The following WDR72 variants were observed in gnomAD, a reference collection of about 807,000 sequenced individuals.
The protein encoded by WDR72 is WD repeat-containing protein 72.
Under a neutral mutation model 124.2 loss-of-function variants are expected in WDR72, and 120 were observed. That is an observed-to-expected ratio of 0.97 (90% confidence interval 0.83 to 1.12). WDR72 has a LOEUF of 1.12. Ranked by LOEUF, WDR72 falls within the 50% of genes most tolerant of loss-of-function variation. The pLI is 0.00. For missense variants in WDR72, 1,387 were observed against 1,278.8 expected, an observed-to-expected ratio of 1.08 and a Z score of -1.29; for synonymous variants, 452 against 441.7, an observed-to-expected ratio of 1.02 and a Z score of -0.29.
chr15:53,686,419 T>A (rs910471780), intron 13 of WDR72, among the ~76,000 whole-genome samples: 7 of 149,716 alleles, frequency 4.7e-5, no homozygotes, highest in African/African-American at 1.7e-4. Context: ...TCCTAGTCTC[T>A]GATAAAACAG....
At chr15:53,520,868 A>AATCTCG (rs1391621787) in intron 19 of WDR72, among the ~76,000 whole-genome samples, 1 of 152,082 alleles carries the variant, frequency 6.6e-6, no homozygotes, top group African/African-American at 2.4e-5. Context: ...CAATTTTAAG[A>AATCTCG]ATTTTGCCCA....
intron 13 of WDR72, among the ~76,000 whole-genome samples, chr15:53,673,223 A>C (rs780676157): frequency 6.6e-6 from 1 of 152,240 alleles, no homozygotes; most frequent in Non-Finnish European, 1.5e-5. Flanking sequence ...ATATCAATGT[A>C]TGAATAGCTT....
intron 18 of WDR72, among the ~76,000 whole-genome samples, chr15:53,591,252 T>G (rs1356010947): frequency 1.3e-5 from 2 of 152,068 alleles, no homozygotes; most frequent in African/African-American, 4.8e-5. Context: ...CTAGTTTGTA[T>G]CCTCAGCTAA....
intron 14 of WDR72, among the ~76,000 whole-genome samples, chr15:53,661,101 T>C (rs1355002518): frequency 6.6e-6 from 1 of 152,180 alleles, no homozygotes; most frequent in African/African-American, 2.4e-5. Context: ...GTCGCTTCTG[T>C]GCTCCTAAAG....
intron 18 of WDR72, among the ~76,000 whole-genome samples, chr15:53,546,430 C>T (rs1392837403): frequency 1.5e-4 from 22 of 150,084 alleles, no homozygotes; most frequent in South Asian, 1.3e-3. Flanking sequence ...AACCAAACAC[C>T]GCATATTCTC....
At chr15:53,605,661 C>T (rs975828931) in intron 17 of WDR72, among the ~76,000 whole-genome samples, 1 of 151,998 alleles carries the variant, frequency 6.6e-6, no homozygotes, top group Non-Finnish European at 1.5e-5. Flanking sequence ...TTGAGACCAG[C>T]CTGATCTACA....
chr15:53,712,746 G>A (rs960788487), intron 7 of WDR72, 26 bp downstream of exon 7: 1 of 1,603,094 alleles, frequency 6.2e-7, no homozygotes, highest in South Asian at 1.1e-5. Context: ...TACATCACTG[G>A]TATTTATTAT....
intron 18 of WDR72, among the ~76,000 whole-genome samples, chr15:53,579,235 C>T (rs977245332): frequency 3.9e-5 from 6 of 152,264 alleles, no homozygotes; most frequent in Non-Finnish European, 5.9e-5. Context: ...AGAGAGTTAA[C>T]ACAAACAGAC....
At chr15:53,602,704 G>C (rs1036321627) in intron 17 of WDR72, among the ~76,000 whole-genome samples, 2 of 151,824 alleles carry the variant, frequency 1.3e-5, no homozygotes, top group Non-Finnish European at 2.9e-5. Flanking sequence ...TTATAAGCTA[G>C]TAATATATAC....
At chr15:53,760,811 A>C (rs770914688), upstream of WDR72, among the ~76,000 whole-genome samples, 1 of 152,218 alleles carries the variant, frequency 6.6e-6, no homozygotes, top group Admixed American at 6.5e-5. Context: ...ATAGGAAAAA[A>C]TATAATAATT....
chr15:53,683,966 G>T (rs78928676), intron 13 of WDR72, among the ~76,000 whole-genome samples: 1 of 151,888 alleles, frequency 6.6e-6, no homozygotes, highest in Non-Finnish European at 1.5e-5. Context: ...GGATGTCAAC[G>T]AACCCTTTTT....
intron 18 of WDR72, among the ~76,000 whole-genome samples, chr15:53,567,843 T>G (rs1894356233): frequency 6.6e-6 from 1 of 151,736 alleles, no homozygotes; most frequent in African/African-American, 2.4e-5. Context: ...TAAAAACAGT[T>G]TTAATTATTA....
intron 4 of WDR72, 113 bp from the exon 5 acceptor site, chr15:53,715,480 T>C (rs1595869538): frequency 3.1e-6 from 4 of 1,270,962 alleles, no homozygotes; most frequent in Non-Finnish European, 3.4e-6. Flanking sequence ...ATTAAGGTAT[T>C]GAACTGAATA....
chr15:53,650,793 CAACAA>C (rs532598391), intron 14 of WDR72, among the ~76,000 whole-genome samples: 3 of 150,466 alleles, frequency 2.0e-5, no homozygotes, highest in Non-Finnish European at 3.0e-5. Context: ...TTAAAACAAA[CAACAA>C]AACAAAACAA....
At chr15:53,571,214 C>T (rs1251262845) in intron 18 of WDR72, among the ~76,000 whole-genome samples, 3 of 151,932 alleles carry the variant, frequency 2.0e-5, no homozygotes, top group Non-Finnish European at 4.4e-5. Context: ...GTGATAGGAT[C>T]ATGAGAAGCC....
intron 13 of WDR72, among the ~76,000 whole-genome samples, chr15:53,676,672 T>G (rs1045319791): frequency 6.6e-6 from 1 of 152,210 alleles, no homozygotes; most frequent in Non-Finnish European, 1.5e-5. Context: ...GAGAGCCCAG[T>G]TGGCTGACAT....
chr15:53,533,153 T>G (rs932694179), intron 18 of WDR72, among the ~76,000 whole-genome samples: 2 of 152,048 alleles, frequency 1.3e-5, no homozygotes, highest in African/African-American at 4.8e-5. Context: ...TGTCTCCAGT[T>G]ACTGTTGCCC....
chr15:53,753,799 C>G (rs185336043), intron 1 of WDR72, among the ~76,000 whole-genome samples: 81 of 152,264 alleles, frequency 5.3e-4, no homozygotes, highest in Non-Finnish European at 5.9e-5. Flanking sequence ...AACTGTGTTC[C>G]AGACCTTGTG....
intron 13 of WDR72, 66 bp from the exon 14 acceptor site, chr15:53,665,834 A>G: frequency 6.8e-7 from 1 of 1,479,564 alleles, no homozygotes; most frequent in African/African-American, 1.4e-5. Context: ...AAGACAGAAC[A>G]AACACTCTTT....
Sources: gnomAD v4.1 joint callset for allele counts (sites outside exome capture counted in the v4.1 genomes callset) on GRCh38, gnomAD v4.1.1 for gene constraint, MANE v1.5 for transcripts, NCBI Gene and HGNC (gene_info 2026-07-23, HGNC 2026-07-21) for gene names.